The following RHOT1 variants were observed in gnomAD, a reference collection of about 807,000 sequenced individuals.
The protein encoded by RHOT1 is ras homolog family member T1, also known as mitochondrial Rho GTPase 1.
In RHOT1, 27 loss-of-function variants were observed where a neutral mutation model predicts 95.3. That is an observed-to-expected ratio of 0.28 (90% CI 0.21 to 0.39). RHOT1 has a LOEUF of 0.39. Ranked by LOEUF, RHOT1 falls within the 10% of genes least tolerant of loss-of-function variation. The pLI is 1.00. For synonymous variants in RHOT1, 227 were observed against 263.5 expected (o/e 0.86, Z 1.34); for missense variants, 578 against 786.7 (o/e 0.73, Z 3.17).
intron 8 of RHOT1, among the ~76,000 whole-genome samples, chr17:32,185,121 G>C (rs1043675387): frequency 1.3e-5 from 2 of 150,510 alleles, no homozygotes; most frequent in African/African-American, 2.4e-5. Context: ...TTTTTCTTTT[G>C]TTTTTTGAGA....
Position 32,224,812 on chromosome 17 carries a change from T to C in RHOT1, c.*79T>C, listed in dbSNP as rs1358714642. 1.8e-5 allele frequency: 15 copies of C among 813,982 alleles called. No homozygotes were observed. Among genetic ancestry groups the C allele is most frequent in the Non-Finnish European group, 2.8e-5 (14 of 502,006 alleles). 50.4% of individuals were successfully genotyped at this position (813,982 alleles called of 1,614,324 possible). On this transcript the variant is annotated 3_prime_UTR_variant, in exon 20 of 20. Transcript: ENST00000545287. The stretch of plus-strand genomic sequence containing the variant: ...AATGCTTTAAGTTCTGCTAGAATTA[T>C]TGAGATATTTATACATGCAGAGTTA...
At chr17:32,181,987 G>A (rs1370321330) in intron 6 of RHOT1, among the ~76,000 whole-genome samples, 2 of 151,908 alleles carry the variant, frequency 1.3e-5, no homozygotes, top group Non-Finnish European at 2.9e-5. Flanking sequence ...CTTCCTCCTC[G>A]CTTGCTCTTC....
chr17:32,211,352 A>G (rs2038122384), intron 19 of RHOT1, 114 bp downstream of exon 19: 2 of 864,712 alleles, frequency 2.3e-6, no homozygotes, highest in Non-Finnish European at 3.2e-6. Context: ...CTGATGCCCA[A>G]CTAACTTCCA....
At chr17:32,214,210 A>G (rs538198043) in intron 19 of RHOT1, among the ~76,000 whole-genome samples, 1 of 152,284 alleles carries the variant, frequency 6.6e-6, no homozygotes, top group African/African-American at 2.4e-5. Context: ...CCGGATGGAT[A>G]CTGTAAAAGA....
chr17:32,182,253 A>G (rs993939365), intron 6 of RHOT1, among the ~76,000 whole-genome samples: 1 of 152,124 alleles, frequency 6.6e-6, no homozygotes, highest in Non-Finnish European at 1.5e-5. Flanking sequence ...TATCATCCCA[A>G]CACTTTGGGA....
intron 1 of RHOT1, among the ~76,000 whole-genome samples, chr17:32,159,080 C>T (rs1197282899): frequency 6.6e-6 from 1 of 152,192 alleles, no homozygotes; most frequent in Non-Finnish European, 1.5e-5. Flanking sequence ...ATGGCCTCAA[C>T]CTCTCCCCAC....
At chr17:32,219,549 TG>T (rs1175667149) in intron 19 of RHOT1, among the ~76,000 whole-genome samples, 2 of 152,246 alleles carry the variant, frequency 1.3e-5, no homozygotes, top group Non-Finnish European at 2.9e-5. Flanking sequence ...ATATGCCTTG[TG>T]TGACTGTTCA....
chr17:32,224,804 T>C lies in RHOT1; in HGVS notation c.*71T>C, dbSNP rs1214314926. 1.1e-6 allele frequency: 1 copy of C among 883,602 alleles called. No individual in the cohort carries two copies. Among genetic ancestry groups the C allele is most frequent in the Non-Finnish European group, 1.8e-6 (1 of 558,824 alleles). 54.7% of individuals were successfully genotyped at this position (883,602 alleles called of 1,614,324 possible). A position where few individuals can be genotyped will look rare whatever the true frequency, so the allele number is the denominator to read the frequency against. On this transcript the variant is annotated 3_prime_UTR_variant, in exon 20 of 20. Transcript: ENST00000545287. ...ACATTCTGAATGCTTTAAGTTCTGC[T>C]AGAATTATTGAGATATTTATACATG...
Position 32,216,975 on chromosome 17 carries a change from T to C in RHOT1, c.1862+5737T>C, listed in dbSNP as rs541435673. Among the ~76,000 whole-genome samples the C allele has an allele frequency of 3.9e-5, 6 of 152,340 alleles. No individual in the cohort carries two copies. The South Asian group carries it at 1.0e-3, about 26-fold the overall frequency. ...ATACATAGTCATATATTTAAAGTTA[T>C]ACAAGAGTTTATGTTATAGATTTTC... is the stretch of plus-strand genomic sequence containing the variant. On this transcript the variant is annotated intron_variant, in intron 19 of 19. Transcript: ENST00000545287.
intron 19 of RHOT1, among the ~76,000 whole-genome samples, chr17:32,219,365 C>G (rs549145988): frequency 6.6e-6 from 1 of 152,256 alleles, no homozygotes; most frequent in East Asian, 1.9e-4. Flanking sequence ...TGGTCTTAAG[C>G]AGCCCTCCAA....
At chr17:32,211,499 C>A in intron 19 of RHOT1, 1 of 262,794 alleles carries the variant, frequency 3.8e-6, no homozygotes, top group Non-Finnish European at 7.1e-6. Context: ...ATTATCTTTC[C>A]TATTAAAAGA....
Position 32,224,915 on chromosome 17 carries a change from A to G in RHOT1, c.*182A>G, listed in dbSNP as rs2039048772. On this transcript the variant is annotated 3_prime_UTR_variant, in exon 20 of 20. Transcript: ENST00000545287. ...CTGCAGTATTGGCTAGCATATGGAA[A>G]GAAAACAGCTAACAGCCAAACTAAA... 2.4e-6 allele frequency: 1 copy of G among 414,826 alleles called. No individual in the cohort carries two copies. The highest frequency in any genetic ancestry group is 4.4e-6 in the Non-Finnish European group (1 of 228,774). The allele number at this position is 414,826 out of a possible 1,614,324, so 25.7% of individuals were successfully genotyped here.
chr17:32,224,301 C>T (rs16967197), intron 19 of RHOT1, among the ~76,000 whole-genome samples: 6,860 of 152,170 alleles, frequency 0.045, 515 homozygotes, highest in African/African-American at 0.16. Flanking sequence ...ACAACCGTAA[C>T]GGTATTATAA....
intron 6 of RHOT1, chr17:32,178,833 G>C (rs930352940): frequency 2.8e-5 from 4 of 144,152 alleles, no homozygotes; most frequent in African/African-American, 1.1e-4. Context: ...ATCTCTGCCT[G>C]GCCACCCCGT....
rs57831260 is a variant in RHOT1, at chr17:32,201,037, T to G, written c.1182T>G (p.Ser394=). The G allele has an allele frequency of 4.9e-5, 78 of 1,606,370 alleles. No individual in the cohort carries two copies. The African/African-American group carries it at 1.0e-3, about 21-fold the overall frequency. The change falls in exon 14 of 20, where the codon TCT becomes TCG. Residue 394 remains serine (S), a synonymous_variant. Coordinates refer to ENST00000545287, the MANE Select transcript of RHOT1 (RefSeq NM_001033566.3). The stretch of plus-strand genomic sequence containing the variant: ...ATTCAATATTGACTGAGCAAGAGTC[T>G]CAAGCTTCAGCTGTTACAGGTAAGT... ...LGYSILTEQE[S]QASAVTVTRD...
intron 14 of RHOT1, 150 bp downstream of exon 14, chr17:32,201,206 T>C (rs1295148815): frequency 2.1e-6 from 1 of 478,950 alleles, no homozygotes; most frequent in African/African-American, 2.1e-5. Context: ...ATTTCTTTTG[T>C]GTTGAGGTGC....
chr17:32,215,515 A>G (rs2038414039), intron 19 of RHOT1, among the ~76,000 whole-genome samples: 1 of 152,074 alleles, frequency 6.6e-6, no homozygotes, highest in South Asian at 2.1e-4. Flanking sequence ...ATCTTTCTAA[A>G]TATTATTTCT....
intron 1 of RHOT1, among the ~76,000 whole-genome samples, chr17:32,170,338 C>T (rs2034477698): frequency 1.3e-5 from 2 of 151,974 alleles, no homozygotes; most frequent in African/African-American, 2.4e-5. Context: ...TCGCATGAAC[C>T]CAGGTGGTGG....
At chr17:32,182,439 T>C (rs372617238) in intron 6 of RHOT1, among the ~76,000 whole-genome samples, 1,525 of 152,312 alleles carry the variant, frequency 0.01, 30 homozygotes, top group African/African-American at 0.035. Context: ...TGAGCTGTGA[T>C]CCTGCCACTG....
Sources: gnomAD v4.1 joint callset for allele counts (sites outside exome capture counted in the v4.1 genomes callset) on GRCh38, gnomAD v4.1.1 for gene constraint, MANE v1.5 for transcripts, NCBI Gene and HGNC (gene_info 2026-07-23, HGNC 2026-07-21) for gene names.